The following CNBD1 variants were observed in gnomAD, a reference collection of about 807,000 sequenced individuals.
CNBD1 encodes the protein cyclic nucleotide-binding domain-containing protein 1.
CNBD1 carries 71 observed loss-of-function variants against 54.4 expected under a neutral mutation model. The ratio of observed to expected loss-of-function variants is 1.30; its 90% CI spans 1.08 to 1.59. CNBD1 has a LOEUF of 1.59. Among genes scored for constraint, CNBD1 ranks in the 40% most tolerant of loss-of-function variants. CNBD1 has a pLI of 0.00. For missense variants in CNBD1, 659 were observed against 518.0 expected (o/e 1.27, Z -2.64); for synonymous variants, 182 against 170.7 (o/e 1.07, Z -0.51).
At chr8:86,939,530 A>G (rs1325751413) in intron 3 of CNBD1, 66 bp from the exon 4 acceptor site, 3 of 1,158,616 alleles carry the variant, frequency 2.6e-6, no homozygotes, top group Non-Finnish European at 2.4e-6. Context: ...GCAATATAGT[A>G]AAAGTCCCTG....
intron 2 of CNBD1, among the ~76,000 whole-genome samples, chr8:87,414,937 A>C (rs1427146107): frequency 6.6e-6 from 1 of 152,120 alleles, no homozygotes; most frequent in East Asian, 1.9e-4. Context: ...CTGACCTGGA[A>C]CTGTTATTCC....
At chr8:86,979,770 G>A (rs1803974254) in intron 4 of CNBD1, among the ~76,000 whole-genome samples, 1 of 152,128 alleles carries the variant, frequency 6.6e-6, no homozygotes, top group Non-Finnish European at 1.5e-5. Context: ...CAAACATTAT[G>A]TCAAAGGCTA....
intron 4 of CNBD1, among the ~76,000 whole-genome samples, chr8:87,122,454 A>G (rs188213984): frequency 1.6e-4 from 25 of 151,886 alleles, no homozygotes; most frequent in Admixed American, 1.6e-3. Context: ...TACCAGGTGT[A>G]TGGTTTATAA....
intron 4 of CNBD1, among the ~76,000 whole-genome samples, chr8:87,000,218 T>C (rs151192532): frequency 4.1e-4 from 62 of 152,200 alleles, no homozygotes; most frequent in Middle Eastern, 3.4e-3. Context: ...GTTCTCATGA[T>C]AGTGAGTTCT....
At chr8:87,364,489 A>G (rs994771785) in intron 10 of CNBD1, among the ~76,000 whole-genome samples, 2 of 131,358 alleles carry the variant, frequency 1.5e-5, no homozygotes, top group African/African-American at 2.8e-5. Flanking sequence ...TATTTTTTAA[A>G]TATTTTAAAT....
chr8:87,146,819 A>G (rs1365549743), intron 4 of CNBD1, among the ~76,000 whole-genome samples: 1 of 152,014 alleles, frequency 6.6e-6, no homozygotes, highest in Non-Finnish European at 1.5e-5. Flanking sequence ...ATAACCTCCT[A>G]CTGATTTCTC....
In CNBD1 at chr8:87,097,207, G is replaced by A. The variant is rs190136390; in HGVS notation, c.432-108786G>A. The stretch of plus-strand genomic sequence containing the variant: ...GGTTTCCTGTTTTAATCTTGGCTTT[G>A]ATATCACATGGTCCTTTTTAAAATA... On this transcript the variant is annotated intron_variant, in intron 4 of 10. Coordinates refer to ENST00000518476, the MANE Select transcript of CNBD1 (RefSeq NM_173538.3). 1.1e-4 allele frequency among the ~76,000 whole-genome samples: 17 copies of A among 152,212 alleles called. No homozygotes were observed. In the East Asian group the frequency reaches 3.3e-3, roughly 29 times the overall value.
At chr8:87,298,755 A>T (rs2082308919) in intron 8 of CNBD1, among the ~76,000 whole-genome samples, 1 of 151,890 alleles carries the variant, frequency 6.6e-6, no homozygotes, top group African/African-American at 2.4e-5. Context: ...AAGTGCTGGG[A>T]TTACAGATGT....
At chr8:87,337,770 C>T (rs1445535949) in intron 8 of CNBD1, among the ~76,000 whole-genome samples, 1 of 152,212 alleles carries the variant, frequency 6.6e-6, no homozygotes, top group Non-Finnish European at 1.5e-5. Context: ...AGTGTTCTTT[C>T]TTCCTCTTCG....
At chr8:87,041,215 T>C (rs561946059) in intron 4 of CNBD1, among the ~76,000 whole-genome samples, 13 of 152,156 alleles carry the variant, frequency 8.5e-5, no homozygotes, top group African/African-American at 2.9e-4. Context: ...GGTTAGGGAA[T>C]GACAGGAGGG....
chr8:86,920,918 G>A (rs141259984), intron 3 of CNBD1, among the ~76,000 whole-genome samples: 1,787 of 152,050 alleles, frequency 0.012, 41 homozygotes, highest in African/African-American at 0.04. Flanking sequence ...ACAATCATTG[G>A]TATAGTGTAT....
chr8:87,077,811 C>G (rs1055955999), intron 4 of CNBD1, among the ~76,000 whole-genome samples: 4 of 152,082 alleles, frequency 2.6e-5, no homozygotes, highest in African/African-American at 9.7e-5. Context: ...TTAATCCAGT[C>G]TATCATTGAT....
intron 2 of CNBD1, among the ~76,000 whole-genome samples, chr8:87,401,861 CAGGT>C (rs1007434024): frequency 1.3e-5 from 2 of 151,956 alleles, no homozygotes; most frequent in African/African-American, 4.8e-5. Flanking sequence ...CACAGAATAA[CAGGT>C]AGGCCTGAAT....
intron 4 of CNBD1, among the ~76,000 whole-genome samples, chr8:86,987,083 T>G (rs538336979): frequency 6.6e-6 from 1 of 152,192 alleles, no homozygotes; most frequent in Admixed American, 6.5e-5. Flanking sequence ...TAGCATTGAA[T>G]CTGTAAATTA....
At chr8:87,132,634 AAT>A (rs1048697850) in intron 4 of CNBD1, among the ~76,000 whole-genome samples, 1 of 147,764 alleles carries the variant, frequency 6.8e-6, no homozygotes, top group Non-Finnish European at 1.5e-5. Flanking sequence ...TATATAATGT[AAT>A]ATATGATATA....
At chr8:87,115,604 A>G (rs1811751572) in intron 4 of CNBD1, among the ~76,000 whole-genome samples, 1 of 152,186 alleles carries the variant, frequency 6.6e-6, no homozygotes. Context: ...GACAAGGCAC[A>G]AATACATAGT....
At chr8:87,177,918 T>C (rs1368573319) in intron 4 of CNBD1, among the ~76,000 whole-genome samples, 2 of 152,016 alleles carry the variant, frequency 1.3e-5, no homozygotes, top group Non-Finnish European at 2.9e-5. Context: ...CTGGCATGAG[T>C]GTGGGTAGTT....
At chr8:87,262,112 C>A (rs1808152697) in intron 6 of CNBD1, among the ~76,000 whole-genome samples, 2 of 152,142 alleles carry the variant, frequency 1.3e-5, no homozygotes, top group Non-Finnish European at 2.9e-5. Flanking sequence ...CTGGATCATG[C>A]CACTGCATTC....
intron 4 of CNBD1, among the ~76,000 whole-genome samples, chr8:87,120,788 T>C (rs1473410224): frequency 6.6e-6 from 1 of 151,950 alleles, no homozygotes; most frequent in Non-Finnish European, 1.5e-5. Flanking sequence ...TAATTTCTTA[T>C]GTTGAATAAC....
Sources: gnomAD v4.1 joint callset for allele counts (sites outside exome capture counted in the v4.1 genomes callset) on GRCh38, gnomAD v4.1.1 for gene constraint, MANE v1.5 for transcripts, NCBI Gene and HGNC (gene_info 2026-07-23, HGNC 2026-07-21) for gene names.